Variants in C19orf38 observed in about 807,000 individuals in gnomAD.
The protein encoded by C19orf38 is protein HIDE1.
Under a neutral mutation model 26.6 loss-of-function variants are expected in C19orf38, and 14 were observed. The ratio of observed to expected loss-of-function variants is 0.53; its 90% CI spans 0.35 to 0.82. The LOEUF is 0.82. C19orf38 is among the 40% of genes least tolerant of loss of function. The pLI, the probability that C19orf38 is intolerant of heterozygous loss-of-function variation, is 0.01. For synonymous variants in C19orf38, 132 were observed against 128.5 expected, an observed-to-expected ratio of 1.03 and a Z score of -0.18; for missense variants, 261 against 299.5, an observed-to-expected ratio of 0.87 and a Z score of 0.95.
chr19:10,851,916 C>T (rs1599661833), intron 2 of C19orf38, among the ~76,000 whole-genome samples: 1 of 148,450 alleles, frequency 6.7e-6, no homozygotes, highest in Non-Finnish European at 1.5e-5. Context: ...TGCAGTGAGC[C>T]GAGATTGCGC....
At chr19:10,862,406 T>C (rs778538970) in intron 5 of C19orf38, among the ~76,000 whole-genome samples, 1 of 152,040 alleles carries the variant, frequency 6.6e-6, no homozygotes, top group East Asian at 1.9e-4. Flanking sequence ...CAAAAAATTA[T>C]GTTGCCCAGG....
At chr19:10,836,818 A>C (rs1169746005) in intron 1 of C19orf38, 2 of 152,408 alleles carry the variant, frequency 1.3e-5, no homozygotes, top group Non-Finnish European at 2.9e-5. Context: ...GGCTGTGAGA[A>C]TTGAGATGAG....
chr19:10,857,772 A>G lies in C19orf38; in HGVS notation c.434-544A>G, dbSNP rs1220253712. The stretch of plus-strand genomic sequence containing the variant: ...GGTGTGCACCTGTAGTCCCAGCTAC[A>G]TGGGAGGGTGAGGCAGAAGAATCGC... On this transcript the variant is annotated intron_variant, in intron 3 of 6. Transcript: ENST00000397820. Among the ~76,000 whole-genome samples the G allele has an allele frequency of 2.0e-5, 3 of 151,228 alleles. No homozygotes were observed. In the East Asian group the frequency reaches 6.0e-4, roughly 30 times the overall value.
rs149814966 is a variant in C19orf38, at chr19:10,856,199, G to A, written c.341-66G>A. Reference sequence around the variant, plus strand: ...GTTGGGGGTTATGGGGTAAGGGCTGGCTACTCAAAGGTAACCTGGAGAGAC... The same window carrying A: ...GTTGGGGGTTATGGGGTAAGGGCTGACTACTCAAAGGTAACCTGGAGAGAC... On this transcript the variant is annotated intron_variant, in intron 2 of 6. Coordinates refer to ENST00000397820, the MANE Select transcript of C19orf38 (RefSeq NM_001136482.3). 6.2e-4 allele frequency: 801 copies of A among 1,281,726 alleles called. 2 individuals are homozygous for A. In the African/African-American group the frequency reaches 9.6e-3, roughly 15 times the overall value. The allele number at this position is 1,281,726 out of a possible 1,614,324, so 79.4% of individuals were successfully genotyped here.
chr19:10,852,611 A>T (rs1445511523), intron 2 of C19orf38, among the ~76,000 whole-genome samples: 1 of 152,210 alleles, frequency 6.6e-6, no homozygotes, highest in African/African-American at 2.4e-5. Context: ...CATGTGTTGC[A>T]GGCAGAGGAT....
intron 1 of C19orf38, among the ~76,000 whole-genome samples, chr19:10,849,831 A>T (rs1298035795): frequency 6.6e-6 from 1 of 152,086 alleles, no homozygotes; most frequent in Admixed American, 6.6e-5. Context: ...TGGGAGGCCG[A>T]GGTGGGGGGA....
intron 1 of C19orf38, chr19:10,842,264 CTT>C (rs879724272): frequency 3.0e-3 from 2,576 of 863,578 alleles, no homozygotes; most frequent in Middle Eastern, 3.6e-3. Flanking sequence ...GAATAAAATA[CTT>C]TTTTTTTTTT....
At chr19:10,852,940 A>G (rs1048735098) in intron 2 of C19orf38, among the ~76,000 whole-genome samples, 11 of 151,570 alleles carry the variant, frequency 7.3e-5, no homozygotes, top group Non-Finnish European at 1.3e-4. Flanking sequence ...GCCGGGTGCA[A>G]TGACCCACGC....
rs1051666937 is a variant in C19orf38, at chr19:10,854,507, C to T, written c.341-1758C>T. ...CAAAGGCCCCCTTCTCTCACCTTGG[C>T]CTTGTGGCCTTGGAGTAGGGAGCTG... is the stretch of plus-strand genomic sequence containing the variant. On this transcript the variant is annotated intron_variant, in intron 2 of 6. Transcript: ENST00000397820. Among the ~76,000 whole-genome samples, 5 of 152,218 alleles carry T rather than the reference C, an allele frequency of 3.3e-5. 1 individual carries two copies. Among genetic ancestry groups the T allele is most frequent in the Admixed American group, 3.3e-4 (5 of 15,270 alleles).
intron 1 of C19orf38, among the ~76,000 whole-genome samples, chr19:10,849,802 G>C (rs1255972304): frequency 3.3e-5 from 5 of 152,070 alleles, no homozygotes; most frequent in African/African-American, 9.7e-5. Flanking sequence ...GGTAGCTCAC[G>C]CCTATAATCC....
In C19orf38 at chr19:10,848,513, C is replaced by T. The variant is rs537610607; in HGVS notation, c.5C>T (p.Pro2Leu). The part of the protein sequence containing the change: M[P>L]WTILLFAAGS... The stretch of plus-strand genomic sequence containing the variant: ...CCCAGCCAAACGCAGAGAGAGATGC[C>T]CTGGACCATCTTGCTCTTTGCAGCT... Residue 2 changes from proline (P) to leucine (L), a missense_variant, in exon 1 of 7, where the codon CCC becomes CTC. By Grantham distance (98) the Pro-to-Leu change is moderately conservative. Coordinates refer to ENST00000397820, the MANE Select transcript of C19orf38 (RefSeq NM_001136482.3). The T allele has an allele frequency of 3.0e-5, 46 of 1,551,654 alleles. No homozygotes were observed. The African/African-American group carries it at 5.3e-4, about 18-fold the overall frequency.
intron 1 of C19orf38, among the ~76,000 whole-genome samples, chr19:10,840,520 TTTG>T (rs1332461091): frequency 1.3e-5 from 2 of 151,974 alleles, no homozygotes; most frequent in Non-Finnish European, 2.9e-5. Context: ...TGTTTTTGTT[TTTG>T]TTTTGTTTTG....
At chr19:10,859,348 GTATATATATATATATATA>G (rs1164393634) in intron 4 of C19orf38, among the ~76,000 whole-genome samples, 8 of 55,970 alleles carry the variant, frequency 1.4e-4, no homozygotes, top group East Asian at 6.9e-4. Flanking sequence ...GTGTGTGTGT[GTATATATATATATATATA>G]TATATATATA....
intron 2 of C19orf38, among the ~76,000 whole-genome samples, chr19:10,851,117 CG>C (rs1568334329): frequency 6.6e-6 from 1 of 152,172 alleles, no homozygotes; most frequent in East Asian, 1.9e-4. Context: ...TGCAGTGGCA[CG>C]ATCTTGGCTC....
intron 6 of C19orf38, 109 bp downstream of exon 6, chr19:10,863,316 T>G: frequency 7.9e-7 from 1 of 1,258,688 alleles, no homozygotes; most frequent in Non-Finnish European, 1.1e-6. Context: ...GTCTCTAAGC[T>G]GCGGGGGGGC....
chr19:10,850,007 C>T (rs1233204466), intron 1 of C19orf38, among the ~76,000 whole-genome samples: 1 of 151,146 alleles, frequency 6.6e-6, no homozygotes, highest in African/African-American at 2.4e-5. Flanking sequence ...TGTAGTGAGC[C>T]GAGATCACAC....
upstream of C19orf38, among the ~76,000 whole-genome samples, chr19:10,846,322 G>A (rs1019641978): frequency 6.6e-5 from 10 of 151,282 alleles, no homozygotes; most frequent in South Asian, 8.4e-4. Flanking sequence ...TCAGCCTCCC[G>A]AGTAGCTGGG....
At chr19:10,844,395 T>C (rs1417170702), upstream of C19orf38, among the ~76,000 whole-genome samples, 3 of 127,004 alleles carry the variant, frequency 2.4e-5, no homozygotes, top group Admixed American at 1.8e-4. Flanking sequence ...AGAGTGAGAC[T>C]CCGTCTCAAA....
At chr19:10,847,778 C>T (rs923227104), upstream of C19orf38, among the ~76,000 whole-genome samples, 1 of 152,196 alleles carries the variant, frequency 6.6e-6, no homozygotes, top group African/African-American at 2.4e-5. Flanking sequence ...CATGTCCTCC[C>T]ACTCCTGCCC....
Sources: gnomAD v4.1 joint callset for allele counts (sites outside exome capture counted in the v4.1 genomes callset) on GRCh38, gnomAD v4.1.1 for gene constraint, MANE v1.5 for transcripts, NCBI Gene and HGNC (gene_info 2026-07-23, HGNC 2026-07-21) for gene names.